MAD1L1: variants seen among roughly 807,000 people sequenced by gnomAD.
The protein encoded by MAD1L1 is mitotic arrest deficient 1 like 1, also known as mitotic spindle assembly checkpoint protein MAD1.
Under a neutral mutation model 96.9 loss-of-function variants are expected in MAD1L1, and 95 were observed. The ratio of observed to expected loss-of-function variants is 0.98; its 90% confidence interval spans 0.83 to 1.16. The LOEUF (loss-of-function observed/expected upper bound fraction) is 1.16. MAD1L1 is among the 50% of genes most tolerant of loss of function. The probability of loss-of-function intolerance (pLI) is 0.00; values close to 1 mark genes in which losing one functional copy is unlikely to be tolerated. For synonymous variants in MAD1L1, 473 were observed against 396.6 expected, an observed-to-expected ratio of 1.19 and a Z score of -2.29; for missense variants, 1,007 against 954.4, an observed-to-expected ratio of 1.06 and a Z score of -0.73.
intron 13 of MAD1L1, among the ~76,000 whole-genome samples, chr7:2,014,076 G>A (rs796139388): frequency 2.0e-4 from 30 of 152,276 alleles, no homozygotes; most frequent in East Asian, 9.7e-4. Flanking sequence ...CACCCTGCCC[G>A]TCAGGCCCCA....
intron 13 of MAD1L1, among the ~76,000 whole-genome samples, chr7:2,012,299 G>A (rs1490485603): frequency 6.6e-6 from 1 of 152,232 alleles, no homozygotes; most frequent in African/African-American, 2.4e-5. Context: ...CCCGTGACGA[G>A]CCAATCACAG....
At chr7:2,109,962 AGGGCACAAGCGT>A (rs1787293739) in intron 11 of MAD1L1, among the ~76,000 whole-genome samples, 1 of 152,086 alleles carries the variant, frequency 6.6e-6, no homozygotes, top group Non-Finnish European at 1.5e-5. Flanking sequence ...GCCACTAGTA[AGGGCACAAGCGT>A]GGGCTCAGCA....
intron 12 of MAD1L1, among the ~76,000 whole-genome samples, chr7:2,026,905 T>C (rs1783018908): frequency 6.6e-6 from 1 of 151,978 alleles, no homozygotes; most frequent in African/African-American, 2.4e-5. Context: ...AGTAACAAAT[T>C]AATGAAATAA....
intron 11 of MAD1L1, among the ~76,000 whole-genome samples, chr7:2,109,957 T>C (rs150609116): frequency 3.7e-4 from 56 of 152,266 alleles, no homozygotes; most frequent in Admixed American, 9.2e-4. Flanking sequence ...GTCAGGCCAC[T>C]AGTAAGGGCA....
chr7:2,102,352 TCACCAC>T (rs529725244), intron 11 of MAD1L1, among the ~76,000 whole-genome samples: 1 of 138,260 alleles, frequency 7.2e-6, no homozygotes, highest in African/African-American at 2.8e-5. Flanking sequence ...ACCGCCACCA[TCACCAC>T]CGTCACTATC....
chr7:1,922,711 C>T (rs376458677), intron 17 of MAD1L1, among the ~76,000 whole-genome samples: 12 of 152,328 alleles, frequency 7.9e-5, no homozygotes, highest in African/African-American at 2.2e-4. Flanking sequence ...CCTGAGTCGG[C>T]GTTTCCCAGT....
chr7:2,006,798 AG>A (rs1782053360), intron 13 of MAD1L1, among the ~76,000 whole-genome samples: 1 of 152,186 alleles, frequency 6.6e-6, no homozygotes. Context: ...ATGGGGCACC[AG>A]GAAGCTTTGG....
chr7:2,174,525 G>A lies in MAD1L1; in HGVS notation c.987-25287C>T, dbSNP rs539444334. On this transcript the variant is annotated intron_variant, in intron 10 of 18. Coordinates refer to ENST00000265854, the MANE Select transcript of MAD1L1 (RefSeq NM_001013836.2). ...GTTTCATTATGCTGTCCTCCCCGCCGTTTCTTTGCGGTACTTGTTGAATGT... is the reference window on the plus strand; with the variant it reads ...GTTTCATTATGCTGTCCTCCCCGCCATTTCTTTGCGGTACTTGTTGAATGT... Among the ~76,000 whole-genome samples, 7 of 152,256 alleles carry A rather than the reference G, an allele frequency of 4.6e-5. No homozygotes were observed. The South Asian group carries it at 8.3e-4, about 18-fold the overall frequency.
intron 12 of MAD1L1, among the ~76,000 whole-genome samples, chr7:2,052,595 A>G (rs1784231837): frequency 6.6e-6 from 1 of 152,166 alleles, no homozygotes; most frequent in Non-Finnish European, 1.5e-5. Flanking sequence ...TTACGTTTAT[A>G]AGTCCTTATA....
intron 12 of MAD1L1, among the ~76,000 whole-genome samples, chr7:2,027,041 C>G (rs988858395): frequency 6.6e-6 from 1 of 151,772 alleles, no homozygotes; most frequent in Admixed American, 6.6e-5. Flanking sequence ...AAAGACATAA[C>G]TAGAGATCAC....
At chr7:1,993,432 A>G (rs1443834528) in intron 14 of MAD1L1, among the ~76,000 whole-genome samples, 1 of 152,214 alleles carries the variant, frequency 6.6e-6, no homozygotes, top group South Asian at 2.1e-4. Flanking sequence ...ACATTGGAGA[A>G]TATCTAAGAT....
At chr7:2,228,636 A>G (rs2115026038) in intron 3 of MAD1L1, among the ~76,000 whole-genome samples, 1 of 119,888 alleles carries the variant, frequency 8.3e-6, no homozygotes, top group Non-Finnish European at 1.7e-5. Flanking sequence ...GAACATTTAC[A>G]TAAATATTAT....
intron 14 of MAD1L1, among the ~76,000 whole-genome samples, chr7:1,987,168 ACC>A (rs1187504929): frequency 1.3e-5 from 2 of 151,154 alleles, no homozygotes; most frequent in Non-Finnish European, 3.0e-5. Flanking sequence ...GGAAGTGCCC[ACC>A]CCCACTCCTC....
At chr7:2,024,609 G>A (rs1782922325) in intron 12 of MAD1L1, among the ~76,000 whole-genome samples, 1 of 152,180 alleles carries the variant, frequency 6.6e-6, no homozygotes, top group African/African-American at 2.4e-5. Context: ...CCCTCTGTAG[G>A]CAAGTTCCCC....
chr7:1,957,843 C>T (rs545450894), intron 15 of MAD1L1, 124 bp from the exon 16 acceptor site: 3 of 761,316 alleles, frequency 3.9e-6, no homozygotes, highest in East Asian at 5.1e-5. Context: ...TTTCTAAATA[C>T]ATATCTGTGA....
intron 18 of MAD1L1, among the ~76,000 whole-genome samples, chr7:1,879,434 G>C (rs1270093055): frequency 3.0e-5 from 4 of 132,370 alleles, no homozygotes; most frequent in Admixed American, 8.0e-5. Context: ...CAGCCTGAGT[G>C]ACAAGAGTGA....
intron 17 of MAD1L1, among the ~76,000 whole-genome samples, chr7:1,914,222 TG>T (rs1788225581): frequency 2.0e-5 from 3 of 152,098 alleles, no homozygotes; most frequent in Non-Finnish European, 4.4e-5. Flanking sequence ...GGCGCTGTGA[TG>T]GGTGGCAGGA....
rs754484990 is a variant in MAD1L1 at position 2,149,104 on chromosome 7, C to G, written c.1073+48G>C. 5.1e-6 allele frequency: 8 copies of G among 1,567,952 alleles called. No homozygotes were observed. The South Asian group carries it at 7.9e-5, about 15-fold the overall frequency. ...CACACACTCTCACTCACCCCTAACT[C>G]TCCAAAGCAAACGCATCCCCACAAG... On this transcript the variant is annotated intron_variant, in intron 11 of 18. Coordinates refer to ENST00000265854, the MANE Select transcript of MAD1L1 (RefSeq NM_001013836.2).
intron 3 of MAD1L1, 126 bp from the exon 4 acceptor site, chr7:2,225,676 G>T: frequency 9.4e-7 from 1 of 1,063,928 alleles, no homozygotes; most frequent in Admixed American, 2.2e-5. Context: ...AAGTCTTGAT[G>T]TGGCCCAGCC....
Sources: gnomAD v4.1 joint callset for allele counts (sites outside exome capture counted in the v4.1 genomes callset) on GRCh38, gnomAD v4.1.1 for gene constraint, MANE v1.5 for transcripts, NCBI Gene and HGNC (gene_info 2026-07-23, HGNC 2026-07-21) for gene names.